Variants in PHGDH observed in about 807,000 individuals in gnomAD.
PHGDH encodes phosphoglycerate dehydrogenase.
A neutral mutation model predicts 52.6 loss-of-function variants in PHGDH; 50 were observed. That is an observed-to-expected ratio of 0.95 (90% CI 0.76 to 1.20). The LOEUF (loss-of-function observed/expected upper bound fraction) is 1.20. Among genes scored for constraint, PHGDH ranks in the 50% most tolerant of loss-of-function variants. The probability of loss-of-function intolerance (pLI) is 0.00; values close to 1 mark genes in which losing one functional copy is unlikely to be tolerated. For synonymous variants in PHGDH, 271 were observed against 280.5 expected (o/e 0.97, Z 0.34); for missense variants, 630 against 684.6 (o/e 0.92, Z 0.89).
chr1:119,739,205 T>C (rs1028867939), intron 8 of PHGDH, among the ~76,000 whole-genome samples: 3 of 152,176 alleles, frequency 2.0e-5, no homozygotes, highest in Non-Finnish European at 4.4e-5. Flanking sequence ...AGCCCTGTGA[T>C]GGACACCTCC....
chr1:119,724,602 C>G (rs753545839), intron 3 of PHGDH: 1 of 370,066 alleles, frequency 2.7e-6, no homozygotes, highest in Non-Finnish European at 5.2e-6. Context: ...TGTCTCTCCC[C>G]CTGGAGAAGT....
At chr1:119,738,242 A>G (rs1330203346) in intron 8 of PHGDH, among the ~76,000 whole-genome samples, 1 of 152,076 alleles carries the variant, frequency 6.6e-6, no homozygotes, top group Non-Finnish European at 1.5e-5. Context: ...CAGCTGGGTG[A>G]TTTTCGCTGG....
chr1:119,734,099 C>A (rs1192421595), intron 5 of PHGDH, among the ~76,000 whole-genome samples: 1 of 152,174 alleles, frequency 6.6e-6, no homozygotes. Flanking sequence ...TCTGCTCACT[C>A]TGTTTTAGTA....
Position 119,726,904 on chromosome 1 carries a change from A to G in PHGDH, c.410A>G (p.Lys137Arg), listed in dbSNP as rs759549424. Residue 137 changes from lysine (K) to arginine (R), a missense_variant and splice_region_variant, in exon 4 of 12, where the codon AAG becomes AGG. Coordinates refer to ENST00000641023, the MANE Select transcript of PHGDH (RefSeq NM_006623.4). ...AAGGACGGCAAATGGGAGCGGAAGA[A>G]GGTGAGCAGCGGCCTTGACTCGCCC... ...SMKDGKWERK[K>R]FMGTELNGKT... 5 of 1,614,134 alleles carry G rather than the reference A, an allele frequency of 3.1e-6. No homozygotes were observed. In the South Asian group the frequency reaches 5.5e-5, roughly 18 times the overall value.
At chr1:119,717,261 A>AAAG (rs1650977084) in intron 1 of PHGDH, among the ~76,000 whole-genome samples, 1 of 149,378 alleles carries the variant, frequency 6.7e-6, no homozygotes, top group South Asian at 2.1e-4. Flanking sequence ...AAAAAAAAAA[A>AAAG]GTTGATTTGT....
chr1:119,734,890 T>C (rs1001033012), intron 6 of PHGDH, 124 bp downstream of exon 6: 1 of 1,078,150 alleles, frequency 9.3e-7, no homozygotes, highest in Non-Finnish European at 1.4e-6. Flanking sequence ...ACCTGGGTCC[T>C]GCAGAGGCTG....
At chr1:119,737,073 A>C in intron 7 of PHGDH, 41 bp from the exon 8 acceptor site, 1 of 1,610,900 alleles carries the variant, frequency 6.2e-7, no homozygotes, top group Non-Finnish European at 8.5e-7. Context: ...GGGTGTGGCC[A>C]GTCCATGGCA....
chr1:119,738,989 G>A (rs998091186), intron 8 of PHGDH, among the ~76,000 whole-genome samples: 1 of 152,230 alleles, frequency 6.6e-6, no homozygotes, highest in African/African-American at 2.4e-5. Context: ...TAGTCTTAGA[G>A]TAGCCATTTG....
chr1:119,741,729 C>G (rs587598214), intron 9 of PHGDH, 38 bp from the exon 10 acceptor site: 2 of 1,606,020 alleles, frequency 1.2e-6, no homozygotes, highest in South Asian at 2.2e-5. Context: ...TAGTGCTCAA[C>G]AAACAGTGAC....
chr1:119,740,422 C>G lies in PHGDH; in HGVS notation c.982C>G (p.His328Asp). The change falls in exon 9 of 12, where the codon CAC (histidine) becomes GAC (aspartate). Residue 328 changes from histidine to aspartate, a missense_variant. His to Asp is a moderately conservative substitution (Grantham distance 81). Coordinates refer to ENST00000641023, the MANE Select transcript of PHGDH (RefSeq NM_006623.4). Reference sequence around the variant, plus strand: ...GGCCCTTACCAGTGCCTTCTCTCCACACACCAAGCCTTGGATTGGTCTGGC... The same window carrying G: ...GGCCCTTACCAGTGCCTTCTCTCCAGACACCAAGCCTTGGATTGGTCTGGC... ...AQALTSAFSP[H>D]TKPWIGLAEA... 6.2e-7 allele frequency: 1 copy of G among 1,613,972 alleles called. No individual in the cohort carries two copies. The highest frequency in any genetic ancestry group is 8.5e-7 in the Non-Finnish European group (1 of 1,179,936).
chr1:119,733,015 A>G (rs1220470100), intron 5 of PHGDH, among the ~76,000 whole-genome samples: 1 of 152,262 alleles, frequency 6.6e-6, no homozygotes, highest in Admixed American at 6.5e-5. Context: ...ACTTGTGACA[A>G]CGATGGCAGG....
intron 8 of PHGDH, among the ~76,000 whole-genome samples, chr1:119,738,961 T>G (rs1652065529): frequency 6.6e-6 from 1 of 152,228 alleles, no homozygotes; most frequent in Non-Finnish European, 1.5e-5. Context: ...AATTGAACTG[T>G]TCACCCACAT....
intron 5 of PHGDH, 48 bp from the exon 6 acceptor site, chr1:119,734,586 C>T (rs1651848690): frequency 6.3e-7 from 1 of 1,575,462 alleles, no homozygotes; most frequent in South Asian, 1.1e-5. Context: ...AATAACAATA[C>T]TAATAATTAA....
chr1:119,737,070 G>GC, intron 7 of PHGDH, 44 bp from the exon 8 acceptor site: 1 of 1,609,814 alleles, frequency 6.2e-7, no homozygotes, highest in East Asian at 2.2e-5. Flanking sequence ...AGAGGGTGTG[G>GC]CCAGTCCATG....
intron 5 of PHGDH, among the ~76,000 whole-genome samples, chr1:119,732,755 C>A (rs903390561): frequency 1.3e-5 from 2 of 152,228 alleles, no homozygotes; most frequent in Non-Finnish European, 2.9e-5. Context: ...TCTCCCCAAC[C>A]CCCTCCCTCC....
At chr1:119,715,182 A>G (rs1318154951) in intron 1 of PHGDH, among the ~76,000 whole-genome samples, 1 of 152,234 alleles carries the variant, frequency 6.6e-6, no homozygotes, top group Non-Finnish European at 1.5e-5. Flanking sequence ...TTATGAAATA[A>G]TACTTACTCT....
intron 9 of PHGDH, among the ~76,000 whole-genome samples, chr1:119,740,843 T>C (rs1387196058): frequency 1.3e-5 from 2 of 152,184 alleles, no homozygotes; most frequent in Non-Finnish European, 2.9e-5. Context: ...AGGGAGGCCC[T>C]AATTAAGCAA....
chr1:119,712,236 C>G (rs1650728021), intron 1 of PHGDH, 76 bp downstream of exon 1: 2 of 1,369,374 alleles, frequency 1.5e-6, no homozygotes, highest in Non-Finnish European at 2.0e-6. Context: ...CAGGCCAGCG[C>G]GCCCCCCTCG....
intron 11 of PHGDH, 46 bp downstream of exon 11, chr1:119,743,090 T>A: frequency 7.9e-7 from 1 of 1,264,636 alleles, no homozygotes. Context: ...GAGGCTGGGG[T>A]GGGGTCTGCC....
Sources: gnomAD v4.1 joint callset for allele counts (sites outside exome capture counted in the v4.1 genomes callset) on GRCh38, gnomAD v4.1.1 for gene constraint, MANE v1.5 for transcripts, NCBI Gene and HGNC (gene_info 2026-07-23, HGNC 2026-07-21) for gene names.